ERBB4: variants seen among roughly 807,000 people sequenced by gnomAD.
ERBB4 encodes receptor tyrosine-protein kinase erbB-4.
Under a neutral mutation model 158.0 loss-of-function variants are expected in ERBB4, and 42 were observed. That is an observed-to-expected ratio of 0.27 (90% CI 0.21 to 0.34). The LOEUF is 0.34. Among genes scored for constraint, ERBB4 ranks in the 10% least tolerant of loss-of-function variants. ERBB4 has a pLI of 1.00. For synonymous variants in ERBB4, 583 were observed against 558.7 expected (o/e 1.04, Z -0.61); for missense variants, 1,333 against 1,624.1 (o/e 0.82, Z 3.08).
At chr2:211,428,346 C>T in intron 22 of ERBB4, 62 bp downstream of exon 22, 2 of 909,434 alleles carry the variant, frequency 2.2e-6, no homozygotes, top group Non-Finnish European at 3.7e-6. Flanking sequence ...AGATATTTCA[C>T]ATGAACTTAA....
At chr2:211,861,155 T>TATATA (rs1491478255) in intron 3 of ERBB4, among the ~76,000 whole-genome samples, 1 of 49,352 alleles carries the variant, frequency 2.0e-5, no homozygotes. Flanking sequence ...TATATATATA[T>TATATA]TAAAAAAAAG....
intron 1 of ERBB4, among the ~76,000 whole-genome samples, chr2:212,202,786 C>G (rs1317367817): frequency 2.6e-5 from 4 of 152,190 alleles, no homozygotes; most frequent in African/African-American, 9.6e-5. Context: ...TGTCAGAAAT[C>G]TGATTCTGAA....
At chr2:211,580,389 G>T (rs1276784908) in intron 19 of ERBB4, among the ~76,000 whole-genome samples, 1 of 151,950 alleles carries the variant, frequency 6.6e-6, no homozygotes, top group African/African-American at 2.4e-5. Context: ...ACAAACATAT[G>T]AAAAAATGCT....
intron 16 of ERBB4, among the ~76,000 whole-genome samples, chr2:211,642,292 A>G (rs969017532): frequency 6.6e-6 from 1 of 152,084 alleles, no homozygotes; most frequent in East Asian, 1.9e-4. Flanking sequence ...TCTTAGAGCT[A>G]ATCTTAATCA....
rs374927507 is a variant in ERBB4, at chr2:211,979,188, G to A, written c.235-31572C>T. Among the ~76,000 whole-genome samples, 59 of 152,218 alleles carry A rather than the reference G, an allele frequency of 3.9e-4. 1 individual carries two copies. The South Asian group carries it at 0.012, about 31-fold the overall frequency. Reference sequence around the variant, plus strand: ...TATGAATATCGCCTAGGAATAACATGAGTTATGTTTATACAAAGGGGAATT... The same window carrying A: ...TATGAATATCGCCTAGGAATAACATAAGTTATGTTTATACAAAGGGGAATT... On this transcript the variant is annotated intron_variant, in intron 2 of 27. Transcript: ENST00000342788.
chr2:212,538,061 C>T (rs1693202829), intron 1 of ERBB4, among the ~76,000 whole-genome samples: 1 of 152,152 alleles, frequency 6.6e-6, no homozygotes, highest in Non-Finnish European at 1.5e-5. Flanking sequence ...GACCGCGGCC[C>T]CGGCGGTGCG....
chr2:212,240,644 A>AAAAAAAAAAAAAAAAAAAAAC (rs2084058324), intron 1 of ERBB4, among the ~76,000 whole-genome samples: 1 of 109,882 alleles, frequency 9.1e-6, no homozygotes, highest in African/African-American at 3.3e-5. Context: ...GCTCAAAAAA[A>AAAAAAAAAAAAAAAAAAAAAC]AAAAAAAAAA....
chr2:211,426,130 A>G (rs1169497809), intron 22 of ERBB4, among the ~76,000 whole-genome samples: 1 of 152,210 alleles, frequency 6.6e-6, no homozygotes, highest in Admixed American at 6.5e-5. Flanking sequence ...AATATAAAAT[A>G]CAAAAACAAA....
chr2:211,691,159 A>C (rs2072800212), intron 12 of ERBB4, among the ~76,000 whole-genome samples: 1 of 152,208 alleles, frequency 6.6e-6, no homozygotes, highest in African/African-American at 2.4e-5. Context: ...TTTAGTGGTC[A>C]TCATAGTTAA....
intron 5 of ERBB4, among the ~76,000 whole-genome samples, chr2:211,744,140 T>TA (rs1004954441): frequency 7.9e-5 from 12 of 152,030 alleles, no homozygotes; most frequent in South Asian, 2.1e-4. Context: ...GGAAAACATT[T>TA]AAAAAAAACA....
rs144596681 is a variant in ERBB4 at position 211,939,085 on chromosome 2, T to C, written c.421+8345A>G. On this transcript the variant is annotated intron_variant, in intron 3 of 27. Coordinates refer to ENST00000342788, the MANE Select transcript of ERBB4 (RefSeq NM_005235.3). ...TTTATTGTCAACTTACCATTCATGATATATTCAAGTATTATATAATGATCA... is the reference window on the plus strand; with the variant it reads ...TTTATTGTCAACTTACCATTCATGACATATTCAAGTATTATATAATGATCA... 5.2e-4 allele frequency among the ~76,000 whole-genome samples: 79 copies of C among 152,318 alleles called. 2 individuals carry two copies. In the South Asian group the frequency reaches 0.016, roughly 31 times the overall value.
chr2:212,082,443 A>G (rs1427543382), intron 2 of ERBB4, among the ~76,000 whole-genome samples: 1 of 152,100 alleles, frequency 6.6e-6, no homozygotes, highest in Admixed American at 6.6e-5. Flanking sequence ...GGAAATAAAG[A>G]TGACTATAAA....
chr2:211,632,947 T>G (rs990631608), intron 16 of ERBB4, among the ~76,000 whole-genome samples: 3 of 152,156 alleles, frequency 2.0e-5, no homozygotes, highest in Non-Finnish European at 4.4e-5. Flanking sequence ...AAATCATATA[T>G]AAGTGTTTTA....
At chr2:212,292,470 T>A in intron 1 of ERBB4, among the ~76,000 whole-genome samples, 1 of 152,024 alleles carries the variant, frequency 6.6e-6, no homozygotes, top group Non-Finnish European at 1.5e-5. Flanking sequence ...TAATTTCTAG[T>A]ACCTTTAGTG....
At chr2:211,928,627 T>C (rs541089045) in intron 3 of ERBB4, among the ~76,000 whole-genome samples, 1 of 152,162 alleles carries the variant, frequency 6.6e-6, no homozygotes, top group Non-Finnish European at 1.5e-5. Context: ...GCAAACTGTC[T>C]GTTATGAATA....
intron 19 of ERBB4, among the ~76,000 whole-genome samples, chr2:211,577,896 T>C (rs902929132): frequency 6.6e-6 from 1 of 152,144 alleles, no homozygotes; most frequent in African/African-American, 2.4e-5. Flanking sequence ...CTTTGAAAAC[T>C]GGCAAAGACA....
chr2:212,060,956 T>C (rs1436878729), intron 2 of ERBB4, among the ~76,000 whole-genome samples: 2 of 127,498 alleles, frequency 1.6e-5, no homozygotes, highest in Non-Finnish European at 3.3e-5. Flanking sequence ...ACTTAAAGTA[T>C]GATAATAAAT....
intron 1 of ERBB4, among the ~76,000 whole-genome samples, chr2:212,335,676 T>C (rs1422426034): frequency 1.3e-5 from 2 of 151,980 alleles, no homozygotes; most frequent in African/African-American, 4.8e-5. Flanking sequence ...AGATTTTTCT[T>C]TGGGTTCGGA....
chr2:212,362,124 A>G (rs1408702916), intron 1 of ERBB4, among the ~76,000 whole-genome samples: 1 of 151,402 alleles, frequency 6.6e-6, no homozygotes, highest in Non-Finnish European at 1.5e-5. Context: ...ATCTATAAAG[A>G]TTTTCTACTT....
Sources: gnomAD v4.1 joint callset for allele counts (sites outside exome capture counted in the v4.1 genomes callset) on GRCh38, gnomAD v4.1.1 for gene constraint, MANE v1.5 for transcripts, NCBI Gene and HGNC (gene_info 2026-07-23, HGNC 2026-07-21) for gene names.